Variants in GRIN2B observed in about 807,000 individuals in gnomAD.
GRIN2B encodes glutamate receptor ionotropic, NMDA 2B.
A neutral mutation model predicts 114.5 loss-of-function variants in GRIN2B; 5 were observed. The ratio of observed to expected loss-of-function variants is 0.04; its 90% confidence interval spans 0.02 to 0.09. The LOEUF (loss-of-function observed/expected upper bound fraction) is 0.09, where lower values mean the gene tolerates loss of function less well. Among genes scored for constraint, GRIN2B ranks in the 10% least tolerant of loss-of-function variants. The pLI is 1.00. For missense variants in GRIN2B, 1,108 were observed against 1,943.5 expected (o/e 0.57, Z 8.08); for synonymous variants, 787 against 745.1 (o/e 1.06, Z -0.92).
intron 3 of GRIN2B, among the ~76,000 whole-genome samples, chr12:13,812,054 T>G (rs1170864219): frequency 6.6e-6 from 1 of 152,094 alleles, no homozygotes; most frequent in Non-Finnish European, 1.5e-5. Context: ...TTCATAGAAG[T>G]CTCAAAAGAA....
Position 13,729,897 on chromosome 12 carries a change from C to T in GRIN2B, c.1010+23420G>A, listed in dbSNP as rs1044903023. ...GGAACACTGTTGGAAACATAAGAAC[C>T]GCCCCCAGAAACAAAATGCCAGCAT... On this transcript the variant is annotated intron_variant, in intron 4 of 13. Transcript: ENST00000609686. Among the ~76,000 whole-genome samples, 4 of 151,786 alleles carry T rather than the reference C, an allele frequency of 2.6e-5. 1 individual carries two copies. The highest frequency in any genetic ancestry group is 5.9e-5 in the Non-Finnish European group (4 of 67,950).
intron 10 of GRIN2B, among the ~76,000 whole-genome samples, chr12:13,583,843 C>G (rs533322233): frequency 3.3e-5 from 5 of 152,006 alleles, no homozygotes; most frequent in Non-Finnish European, 7.4e-5. Context: ...TGGAGCACAC[C>G]GAATGGTCAG....
At chr12:13,700,113 A>G (rs1413557077) in intron 4 of GRIN2B, among the ~76,000 whole-genome samples, 1 of 152,076 alleles carries the variant, frequency 6.6e-6, no homozygotes, top group Non-Finnish European at 1.5e-5. Flanking sequence ...GTCTGTGGGG[A>G]GGTGGGATGG....
rs1200628679 is a variant in GRIN2B, at chr12:13,932,935, A to G, written c.-19+46993T>C. 2.0e-5 allele frequency among the ~76,000 whole-genome samples: 3 copies of G among 150,672 alleles called. No homozygotes were observed. The South Asian group carries it at 6.3e-4, about 32-fold the overall frequency. ...AAAATAATGGTAAACTGTTGTTTGCACTGAAAAGGGCTTTGTCGTGTGTGT... is the reference window on the plus strand; with the variant it reads ...AAAATAATGGTAAACTGTTGTTTGCGCTGAAAAGGGCTTTGTCGTGTGTGT... On this transcript the variant is annotated intron_variant, in intron 2 of 13. Transcript: ENST00000609686.
In GRIN2B at chr12:13,547,951, A is replaced by ATGTGTGTGTGTG. The variant is rs974791649; in HGVS notation, c.*14831_*14832insCACACACACACA. The ATGTGTGTGTGTG allele has an allele frequency of 1.0e-5, 1 of 99,022 alleles. No homozygotes were observed. The highest frequency in any genetic ancestry group is 3.4e-5 in the African/African-American group (1 of 29,174). The allele number at this position is 99,022 out of a possible 1,614,324, so 6.1% of individuals were successfully genotyped here. On this transcript the variant is annotated 3_prime_UTR_variant, in exon 14 of 14. Transcript: ENST00000609686. ...GTTATGTATATGTATGTATGTATGTATGTGTGTGTATATATATATATATAT... is the reference window on the plus strand; with the variant it reads ...GTTATGTATATGTATGTATGTATGTATGTGTGTGTGTGTGTGTGTGTATATATATATATATAT...
At chr12:13,690,917 G>T (rs1448914615) in intron 4 of GRIN2B, among the ~76,000 whole-genome samples, 1 of 152,108 alleles carries the variant, frequency 6.6e-6, no homozygotes, top group Non-Finnish European at 1.5e-5. Flanking sequence ...AGTTTGGAAA[G>T]AAATGAAATC....
At chr12:13,607,109 C>T (rs953777227) in intron 10 of GRIN2B, among the ~76,000 whole-genome samples, 1 of 137,064 alleles carries the variant, frequency 7.3e-6, no homozygotes, top group African/African-American at 2.8e-5. Context: ...GCATTTAGGC[C>T]ACCCAACCAC....
At chr12:13,827,663 A>G (rs1410914308) in intron 3 of GRIN2B, among the ~76,000 whole-genome samples, 1 of 132,324 alleles carries the variant, frequency 7.6e-6, no homozygotes, top group African/African-American at 2.9e-5. Context: ...ATATCTCTGA[A>G]CATATTTATA....
intron 3 of GRIN2B, among the ~76,000 whole-genome samples, chr12:13,770,697 G>A (rs1399663861): frequency 3.3e-5 from 5 of 152,146 alleles, no homozygotes; most frequent in Admixed American, 3.3e-4. Flanking sequence ...GCCCTGGTGT[G>A]TGTTGTTCCC....
Position 13,866,013 on chromosome 12 carries a change from G to A in GRIN2B, c.196C>T (p.Pro66Ser), listed in dbSNP as rs1865821300. 1 of 1,613,932 alleles carries A rather than the reference G, an allele frequency of 6.2e-7. No individual in the cohort carries two copies. The highest frequency in any genetic ancestry group is 8.5e-7 in the Non-Finnish European group (1 of 1,179,858). The change falls in exon 3 of 14, where the codon CCC (proline) becomes TCC (serine). Residue 66 changes from proline (P) to serine (S), a missense_variant. Pro to Ser is a moderately conservative substitution (Grantham distance 74). Around this residue, in one of 19 missense-constraint regions of GRIN2B, gnomAD observed 199 missense variants for 439.6 expected, o/e 0.45. Transcript: ENST00000609686. ...TTCATGGCTACCAGTTCCACCCGGGGTACCACGGAGAGATGGTGGAAATCA... is the reference window on the plus strand; with the variant it reads ...TTCATGGCTACCAGTTCCACCCGGGATACCACGGAGAGATGGTGGAAATCA... ...KDDFHHLSVV[P>S]RVELVAMNET...
At chr12:13,898,812 G>A (rs1866397471) in intron 2 of GRIN2B, among the ~76,000 whole-genome samples, 2 of 152,226 alleles carry the variant, frequency 1.3e-5, no homozygotes, top group South Asian at 4.1e-4. Context: ...TCAGGAGGCT[G>A]AGGCAGAAGA....
At chr12:13,671,043 AG>A (rs1950017872) in intron 5 of GRIN2B, among the ~76,000 whole-genome samples, 1 of 152,164 alleles carries the variant, frequency 6.6e-6, no homozygotes, top group African/African-American at 2.4e-5. Context: ...TGCTCTGGGG[AG>A]GATTCCAGAG....
chr12:13,882,985 T>C (rs926488659), intron 2 of GRIN2B, among the ~76,000 whole-genome samples: 1 of 152,210 alleles, frequency 6.6e-6, no homozygotes. Flanking sequence ...CTCCCAGACA[T>C]CCTGTAAATG....
intron 3 of GRIN2B, among the ~76,000 whole-genome samples, chr12:13,840,329 A>T (rs1865356729): frequency 6.6e-6 from 1 of 152,170 alleles, no homozygotes; most frequent in Non-Finnish European, 1.5e-5. Context: ...AATAGGTAAA[A>T]ATTCCAAGGC....
At chr12:13,762,170 A>C (rs1863691877) in intron 3 of GRIN2B, among the ~76,000 whole-genome samples, 1 of 151,948 alleles carries the variant, frequency 6.6e-6, no homozygotes, top group Admixed American at 6.6e-5. Context: ...CGACCGGCTA[A>C]TTTTTTGTAT....
intron 2 of GRIN2B, among the ~76,000 whole-genome samples, chr12:13,952,579 C>T (rs1055148885): frequency 1.3e-5 from 2 of 152,146 alleles, no homozygotes; most frequent in Non-Finnish European, 2.9e-5. Flanking sequence ...TACTTCCCCT[C>T]TCTATCACTT....
At chr12:13,926,144 T>C (rs923692369) in intron 2 of GRIN2B, among the ~76,000 whole-genome samples, 1 of 151,880 alleles carries the variant, frequency 6.6e-6, no homozygotes, top group Non-Finnish European at 1.5e-5. Flanking sequence ...GAAAGGGAAA[T>C]GGTGCAAATT....
intron 10 of GRIN2B, among the ~76,000 whole-genome samples, chr12:13,605,198 T>C (rs573525034): frequency 7.2e-5 from 11 of 151,922 alleles, no homozygotes; most frequent in Non-Finnish European, 8.8e-5. Flanking sequence ...GGAAGATACG[T>C]GTTATAATAA....
intron 10 of GRIN2B, among the ~76,000 whole-genome samples, chr12:13,606,907 TACAAG>T (rs1157696454): frequency 6.6e-6 from 1 of 150,544 alleles, no homozygotes; most frequent in Non-Finnish European, 1.5e-5. Context: ...GAGAAAAAAA[TACAAG>T]AGAGAGAATT....
Sources: gnomAD v4.1 joint callset for allele counts (sites outside exome capture counted in the v4.1 genomes callset) on GRCh38, gnomAD v4.1.1 for gene constraint, gnomAD v4.1.1 regional missense constraint, MANE v1.5 for transcripts, NCBI Gene and HGNC (gene_info 2026-07-23, HGNC 2026-07-21) for gene names.